Variants in BMP6 observed in about 807,000 individuals in gnomAD.
BMP6 encodes VG-1-R.
Under a neutral mutation model 54.1 loss-of-function variants are expected in BMP6, and 17 were observed. The observed-to-expected ratio is 0.31, with a 90% CI of 0.22 to 0.47. BMP6 has a LOEUF of 0.47. Ranked by LOEUF, BMP6 falls within the 20% of genes least tolerant of loss-of-function variation. The probability of loss-of-function intolerance (pLI) is 1.00; values close to 1 mark genes in which losing one functional copy is unlikely to be tolerated. For synonymous variants in BMP6, 328 were observed against 291.2 expected (o/e 1.13, Z -1.28); for missense variants, 720 against 690.4 (o/e 1.04, Z -0.48).
chr6:7,791,084 TC>T (rs1175506982), intron 1 of BMP6, among the ~76,000 whole-genome samples: 6 of 152,150 alleles, frequency 3.9e-5, no homozygotes, highest in Non-Finnish European at 7.3e-5. Context: ...ATACTTCCCT[TC>T]CTTCTCTTCT....
intron 1 of BMP6, among the ~76,000 whole-genome samples, chr6:7,843,444 T>C (rs1759010158): frequency 8.1e-6 from 1 of 122,716 alleles, no homozygotes; most frequent in African/African-American, 3.6e-5. Flanking sequence ...CTTTTCTTTC[T>C]TTTTTTTTTT....
intron 1 of BMP6, 145 bp downstream of exon 1, chr6:7,727,764 G>T: frequency 9.4e-7 from 1 of 1,060,434 alleles, no homozygotes; most frequent in South Asian, 2.5e-5. Context: ...GGCAGGCTGT[G>T]CTCCCGCCAC....
chr6:7,732,783 A>T (rs750819547), intron 1 of BMP6, among the ~76,000 whole-genome samples: 15 of 152,234 alleles, frequency 9.9e-5, no homozygotes, highest in Non-Finnish European at 1.9e-4. Flanking sequence ...AGACAAGGAA[A>T]ATGAAGAGGG....
At chr6:7,871,233 T>C (rs1372640904) in intron 4 of BMP6, among the ~76,000 whole-genome samples, 2 of 152,220 alleles carry the variant, frequency 1.3e-5, no homozygotes, top group African/African-American at 4.8e-5. Context: ...GTAATGTTCA[T>C]TTGGAGAAGA....
At chr6:7,833,377 T>C (rs1758821200) in intron 1 of BMP6, among the ~76,000 whole-genome samples, 1 of 152,214 alleles carries the variant, frequency 6.6e-6, no homozygotes, top group African/African-American at 2.4e-5. Flanking sequence ...GAGTTGATGA[T>C]TAATTGGGCA....
intron 1 of BMP6, among the ~76,000 whole-genome samples, chr6:7,804,738 C>A (rs779149446): frequency 6.6e-6 from 1 of 152,186 alleles, no homozygotes; most frequent in Non-Finnish European, 1.5e-5. Context: ...AGCTTCTATT[C>A]TAAACACAAG....
chr6:7,836,839 T>C (rs974854895), intron 1 of BMP6, among the ~76,000 whole-genome samples: 56 of 152,242 alleles, frequency 3.7e-4, no homozygotes, highest in African/African-American at 1.3e-3. Flanking sequence ...TTCAAGGTTA[T>C]ATGCTTGCAA....
chr6:7,792,283 A>G (rs1028458790), intron 1 of BMP6, among the ~76,000 whole-genome samples: 5 of 152,206 alleles, frequency 3.3e-5, no homozygotes, highest in Non-Finnish European at 7.3e-5. Context: ...GATTGAGGAT[A>G]TTAACCTCAT....
intron 4 of BMP6, among the ~76,000 whole-genome samples, chr6:7,868,289 C>T (rs1162583832): frequency 6.6e-6 from 1 of 152,182 alleles, no homozygotes; most frequent in Non-Finnish European, 1.5e-5. Context: ...TAAACAAAAT[C>T]TAGACTCTGA....
At chr6:7,855,401 A>AG (rs1423146065) in intron 2 of BMP6, among the ~76,000 whole-genome samples, 2 of 152,110 alleles carry the variant, frequency 1.3e-5, no homozygotes, top group Non-Finnish European at 2.9e-5. Context: ...AAGCCCCCGC[A>AG]GGGGATTCTG....
chr6:7,871,703 T>C (rs1368339514), intron 4 of BMP6, among the ~76,000 whole-genome samples: 3 of 152,214 alleles, frequency 2.0e-5, no homozygotes, highest in African/African-American at 4.8e-5. Context: ...AGGACCAATA[T>C]TGGGCCTTGA....
intron 2 of BMP6, among the ~76,000 whole-genome samples, chr6:7,856,390 T>C (rs1209946699): frequency 6.6e-6 from 1 of 151,696 alleles, no homozygotes; most frequent in East Asian, 1.9e-4. Flanking sequence ...TTCATTCTAT[T>C]TGAAAAATGA....
chr6:7,781,557 A>G (rs1307457554), intron 1 of BMP6, among the ~76,000 whole-genome samples: 1 of 151,494 alleles, frequency 6.6e-6, no homozygotes, highest in Non-Finnish European at 1.5e-5. Context: ...TCACCGCCTC[A>G]CCACATTATT....
intron 1 of BMP6, among the ~76,000 whole-genome samples, chr6:7,814,543 T>C (rs886192082): frequency 6.6e-6 from 1 of 152,244 alleles, no homozygotes; most frequent in Admixed American, 6.5e-5. Context: ...TCTTATCCTT[T>C]GTTACAGTCT....
chr6:7,769,031 G>C (rs1757742198), intron 1 of BMP6, among the ~76,000 whole-genome samples: 1 of 152,176 alleles, frequency 6.6e-6, no homozygotes, highest in Non-Finnish European at 1.5e-5. Context: ...AGATACAACA[G>C]TTCAAAAGGA....
chr6:7,770,575 C>T (rs1169463804), intron 1 of BMP6, among the ~76,000 whole-genome samples: 1 of 152,196 alleles, frequency 6.6e-6, no homozygotes, highest in East Asian at 1.9e-4. Flanking sequence ...TACTTGGAGT[C>T]ATTACTGTCA....
chr6:7,824,021 C>A (rs1041843685), intron 1 of BMP6, among the ~76,000 whole-genome samples: 2 of 151,910 alleles, frequency 1.3e-5, no homozygotes, highest in Non-Finnish European at 2.9e-5. Context: ...CAAAGTAGAA[C>A]GAAAAAGGCA....
intron 1 of BMP6, among the ~76,000 whole-genome samples, chr6:7,744,868 C>G (rs1757324045): frequency 6.6e-6 from 1 of 152,202 alleles, no homozygotes; most frequent in South Asian, 2.1e-4. Flanking sequence ...TGCTGGCCAG[C>G]CTGGTGCAGA....
At chr6:7,863,082 T>G (rs540175647) in intron 4 of BMP6, among the ~76,000 whole-genome samples, 47 of 152,268 alleles carry the variant, frequency 3.1e-4, no homozygotes, top group African/African-American at 8.7e-4. Flanking sequence ...CACTGCAAGC[T>G]CCGCCTCCTG....
Sources: allele counts gnomAD v4.1 joint callset (sites outside exome capture counted in the v4.1 genomes callset), GRCh38; gene constraint gnomAD v4.1.1; transcripts MANE v1.5; gene names NCBI Gene and HGNC (gene_info 2026-07-23, HGNC 2026-07-21).